The following KLRB1 variants were observed in gnomAD, a reference collection of about 807,000 sequenced individuals.
The protein encoded by KLRB1 is killer cell lectin like receptor B1.
In KLRB1, 27 loss-of-function variants were observed where a neutral mutation model predicts 33.5. The ratio of observed to expected loss-of-function variants is 0.81; its 90% CI spans 0.59 to 1.11. KLRB1 has a LOEUF of 1.11. KLRB1 is among the 50% of genes most tolerant of loss of function. KLRB1 has a pLI of 0.00. For missense variants in KLRB1, 241 were observed against 254.1 expected, an observed-to-expected ratio of 0.95 and a Z score of 0.35; for synonymous variants, 64 against 88.9, an observed-to-expected ratio of 0.72 and a Z score of 1.58.
chr12:9,606,760 A>ATTTT (rs1185510083), intron 1 of KLRB1, among the ~76,000 whole-genome samples: 4 of 63,736 alleles, frequency 6.3e-5, no homozygotes, highest in African/African-American at 2.5e-4. Context: ...ATATATATAT[A>ATTTT]TTTTTTTTTT....
intron 2 of KLRB1, 103 bp downstream of exon 2, chr12:9,601,398 C>T: frequency 2.7e-6 from 2 of 729,764 alleles, no homozygotes; most frequent in South Asian, 3.2e-5. Context: ...TTACGAGAAA[C>T]ACCCACAGGT....
rs1864509330 is a variant in KLRB1 at position 9,598,253 on chromosome 12, T to A, written c.415-92A>T. 8 of 847,764 alleles carry A rather than the reference T, an allele frequency of 9.4e-6. No homozygotes were observed. The East Asian group carries it at 2.1e-4, about 22-fold the overall frequency. The allele number at this position is 847,764 out of a possible 1,614,324, so 52.5% of individuals were successfully genotyped here. ...TTCAAGCATCACCTCATCTCTGAAG[T>A]CTTTCCTAACTCGTCGTCAGCATTA... On this transcript the variant is annotated intron_variant, in intron 4 of 5. Coordinates refer to ENST00000229402, the MANE Select transcript of KLRB1 (RefSeq NM_002258.3).
At chr12:9,598,963 C>A (rs1864516276) in intron 3 of KLRB1, among the ~76,000 whole-genome samples, 1 of 152,176 alleles carries the variant, frequency 6.6e-6, no homozygotes, top group African/African-American at 2.4e-5. Flanking sequence ...GACAGAATAA[C>A]TTAAGTCCAG....
chr12:9,605,299 C>T (rs748921630), intron 1 of KLRB1, among the ~76,000 whole-genome samples: 3 of 152,278 alleles, frequency 2.0e-5, no homozygotes, highest in African/African-American at 2.4e-5. Context: ...AATAAACATA[C>T]GTGTGCATGT....
chr12:9,600,758 G>A lies in KLRB1; in HGVS notation c.184+743C>T, dbSNP rs764139207. Among the ~76,000 whole-genome samples the A allele has an allele frequency of 2.0e-5, 3 of 151,768 alleles. No individual in the cohort carries two copies. In the South Asian group the frequency reaches 6.3e-4, roughly 32 times the overall value. ...TGAAGTACCCAGGGACACAAAAACT[G>A]CGGAAGGCCGCAGGGACCTCTGCCT... On this transcript the variant is annotated intron_variant, in intron 2 of 5. Coordinates refer to ENST00000229402, the MANE Select transcript of KLRB1 (RefSeq NM_002258.3).
At chr12:9,604,351 T>A (rs917041755) in intron 1 of KLRB1, among the ~76,000 whole-genome samples, 9 of 152,168 alleles carry the variant, frequency 5.9e-5, no homozygotes, top group Non-Finnish European at 2.9e-5. Flanking sequence ...ATGGCTCATA[T>A]GTCCCTATTT....
chr12:9,598,886 T>C (rs1864515845), intron 3 of KLRB1, among the ~76,000 whole-genome samples: 1 of 152,158 alleles, frequency 6.6e-6, no homozygotes, highest in Non-Finnish European at 1.5e-5. Flanking sequence ...AATCATAAAA[T>C]ATTAAAATAG....
intron 1 of KLRB1, among the ~76,000 whole-genome samples, chr12:9,602,839 T>C (rs774738201): frequency 2.6e-5 from 4 of 152,318 alleles, no homozygotes; most frequent in African/African-American, 9.6e-5. Flanking sequence ...TCTTTATATG[T>C]TTCAGAACGG....
At chr12:9,597,114 T>G (rs1315268197) in intron 5 of KLRB1, among the ~76,000 whole-genome samples, 1 of 152,168 alleles carries the variant, frequency 6.6e-6, no homozygotes, top group Non-Finnish European at 1.5e-5. Context: ...TTTCCATACT[T>G]AATAAATTAT....
intron 2 of KLRB1, 117 bp from the exon 3 acceptor site, chr12:9,599,958 A>G (rs1205644754): frequency 6.3e-6 from 4 of 632,830 alleles, no homozygotes; most frequent in Non-Finnish European, 1.1e-5. Context: ...ATGGACAGAA[A>G]ATAAAAGTAT....
chr12:9,598,695 TAACC>T, intron 3 of KLRB1, 42 bp from the exon 4 acceptor site: 2 of 1,493,234 alleles, frequency 1.3e-6, no homozygotes, highest in Non-Finnish European at 1.8e-6. Flanking sequence ...GTTATATTTC[TAACC>T]TATCCCTGAC....
chr12:9,607,311 T>TC (rs1864618974), intron 1 of KLRB1, among the ~76,000 whole-genome samples: 2 of 111,656 alleles, frequency 1.8e-5, no homozygotes, highest in Non-Finnish European at 3.8e-5. Flanking sequence ...CTTTCTTTCT[T>TC]TCTTCTTTTC....
intron 1 of KLRB1, among the ~76,000 whole-genome samples, chr12:9,606,734 G>GTA (rs1234515362): frequency 3.6e-4 from 9 of 24,892 alleles, no homozygotes; most frequent in South Asian, 1.6e-3. Context: ...TGTATAAAAA[G>GTA]TATATATATA....
rs1465558633 is a variant in KLRB1 at position 9,598,056 on chromosome 12, T to C, written c.520A>G (p.Asn174Asp). 6.7e-7 allele frequency: 1 copy of C among 1,491,596 alleles called. No individual in the cohort carries two copies. Among genetic ancestry groups the C allele is most frequent in the Non-Finnish European group, 9.2e-7 (1 of 1,081,450 alleles). The allele number at this position is 1,491,596 out of a possible 1,614,324, so 92.4% of individuals were successfully genotyped here. A position where few individuals can be genotyped will look rare whatever the true frequency, so the allele number is the denominator to read the frequency against. ...NWKWINGSFL[N>D]SNDLEIRGDA... ...TCATCTAATACTCACTCATTAGAATTTAAAAAAGAGCCGTTTATCCACTTC... is the reference window on the plus strand; with the variant it reads ...TCATCTAATACTCACTCATTAGAATCTAAAAAAGAGCCGTTTATCCACTTC... Residue 174 changes from asparagine to aspartate, a missense_variant, in exon 5 of 6, where the codon AAT (asparagine) becomes GAT (aspartate). Asn to Asp is a conservative substitution (Grantham distance 23). Coordinates refer to ENST00000229402, the MANE Select transcript of KLRB1 (RefSeq NM_002258.3).
intron 1 of KLRB1, among the ~76,000 whole-genome samples, chr12:9,604,035 A>G (rs1262340576): frequency 1.3e-5 from 2 of 151,048 alleles, no homozygotes; most frequent in East Asian, 1.9e-4. Context: ...TTTTTTAACT[A>G]TAGGTAAAAG....
chr12:9,607,143 C>T lies in KLRB1; in HGVS notation c.85+612G>A, dbSNP rs956934501. Reference sequence around the variant, plus strand: ...TATTTTGTAGAGGAATTTGGAATAACGTAGGTTGTTATTACAGCAAGTTTG... The same window carrying T: ...TATTTTGTAGAGGAATTTGGAATAATGTAGGTTGTTATTACAGCAAGTTTG... On this transcript the variant is annotated intron_variant, in intron 1 of 5. Transcript: ENST00000229402. Among the ~76,000 whole-genome samples, 5 of 152,052 alleles carry T rather than the reference C, an allele frequency of 3.3e-5. No individual in the cohort carries two copies. In the South Asian group the frequency reaches 8.3e-4, roughly 25 times the overall value.
intron 1 of KLRB1, among the ~76,000 whole-genome samples, chr12:9,602,420 AT>A (rs1318292026): frequency 2.0e-5 from 3 of 152,092 alleles, no homozygotes; most frequent in African/African-American, 4.8e-5. Context: ...TAGAAAAAAA[AT>A]AAAGAGAGAT....
chr12:9,597,073 T>C (rs1183848205), intron 5 of KLRB1, among the ~76,000 whole-genome samples: 4 of 152,186 alleles, frequency 2.6e-5, no homozygotes, highest in African/African-American at 9.7e-5. Context: ...ACTTTGCTGA[T>C]TGAGCCAACA....
At chr12:9,599,679 T>C (rs781112683) in intron 3 of KLRB1, 88 bp downstream of exon 3, 4 of 847,864 alleles carry the variant, frequency 4.7e-6, no homozygotes, top group African/African-American at 1.7e-5. Context: ...TCTTAACATA[T>C]GGATTGTTAT....
Sources: gnomAD v4.1 joint callset for allele counts (sites outside exome capture counted in the v4.1 genomes callset) on GRCh38, gnomAD v4.1.1 for gene constraint, MANE v1.5 for transcripts, NCBI Gene and HGNC (gene_info 2026-07-23, HGNC 2026-07-21) for gene names.